The following KCNAB2 variants were observed in gnomAD, a reference collection of about 807,000 sequenced individuals.
KCNAB2 encodes voltage-gated potassium channel subunit beta-2.
Under a neutral mutation model 63.6 loss-of-function variants are expected in KCNAB2, and 29 were observed. The observed-to-expected ratio is 0.46, with a 90% CI of 0.34 to 0.62. The LOEUF is 0.62. KCNAB2 is among the 20% of genes least tolerant of loss of function. The pLI is 0.01. For synonymous variants in KCNAB2, 222 were observed against 224.2 expected, an observed-to-expected ratio of 0.99 and a Z score of 0.09; for missense variants, 359 against 563.9, an observed-to-expected ratio of 0.64 and a Z score of 3.68.
At chr1:6,051,458 C>T (rs948593484) in intron 1 of KCNAB2, 53 bp from the exon 2 acceptor site, 2 of 1,426,776 alleles carry the variant, frequency 1.4e-6, no homozygotes, top group African/African-American at 2.9e-5. Flanking sequence ...AGCCATCCAG[C>T]CTGGGGCACG....
chr1:6,052,022 A>G (rs1661439808), intron 2 of KCNAB2, among the ~76,000 whole-genome samples: 1 of 152,126 alleles, frequency 6.6e-6, no homozygotes, highest in Admixed American at 6.5e-5. Flanking sequence ...GAATTGCTTG[A>G]ACTCAGGAGG....
chr1:6,017,788 CAA>C (rs768691235), intron 1 of KCNAB2, among the ~76,000 whole-genome samples: 10 of 116,550 alleles, frequency 8.6e-5, no homozygotes, highest in Non-Finnish European at 7.3e-5. Context: ...AAGACTGTCT[CAA>C]AAAAAAAAAA....
At chr1:6,094,534 C>T (rs1398957308) in intron 11 of KCNAB2, 49 bp downstream of exon 11, 1 of 1,487,364 alleles carries the variant, frequency 6.7e-7, no homozygotes, top group Non-Finnish European at 9.2e-7. Context: ...ACTCCCGGCA[C>T]CGGCTGCGTA....
At position 6,095,335 on chromosome 1, in the gene KCNAB2, G is replaced by A. The variant is rs773351593; in HGVS notation, c.745G>A (p.Val249Met). The A allele has an allele frequency of 2.5e-6, 4 of 1,612,654 alleles. No individual in the cohort carries two copies. Among genetic ancestry groups the A allele is most frequent in the Non-Finnish European group, 3.4e-6 (4 of 1,179,944 alleles). The change falls in exon 12 of 16, where the codon GTG becomes ATG. Residue 249 changes from valine (V) to methionine (M), a missense_variant. By Grantham distance (21) the Val-to-Met change is conservative (BLOSUM62 1). Around this residue, in one of 2 missense-constraint regions of KCNAB2, gnomAD observed 271 missense variants for 476.1 expected, o/e 0.57. Transcript: ENST00000378083. ...SSMEIMEAYS[V>M]ARQFNLTPPI... ...TCTGCCTTCACAGGAGGCCTACTCC[G>A]TGGCCCGGCAGTTCAACCTGACCCC...
chr1:6,094,457 C>T lies in KCNAB2; in HGVS notation c.704C>T (p.Thr235Met), dbSNP rs975979006. 1.9e-6 allele frequency: 3 copies of T among 1,611,736 alleles called. No homozygotes were observed. The highest frequency in any genetic ancestry group is 1.7e-5 in the Admixed American group (1 of 59,862). The change falls in exon 11 of 16, where the codon ACG (threonine) becomes ATG (methionine). Residue 235 changes from threonine (T) to methionine (M), a missense_variant. By Grantham distance (81) the Thr-to-Met change is moderately conservative. Transcript: ENST00000378083. ...CAGGGGATGGCCATGTACTGGGGCA[C>T]GTCACGCTGGAGCTCCATGGAGATC... ...INQGMAMYWG[T>M]SRWSSMEIME...
upstream of KCNAB2, among the ~76,000 whole-genome samples, chr1:6,031,461 G>A (rs1319665487): frequency 6.6e-6 from 1 of 152,194 alleles, no homozygotes; most frequent in Admixed American, 6.5e-5. This position sits in a 1 kb window ranked among gnomAD's most constrained non-coding sequence, Gnocchi z 4.1. Context: ...GAAAACTGAG[G>A]CTCCAAGAGA....
At position 6,073,995 on chromosome 1, in the gene KCNAB2, G is replaced by T; in HGVS notation, c.300+225G>T. 3 of 590,154 alleles carry T rather than the reference G, an allele frequency of 5.1e-6. No individual in the cohort carries two copies. The highest frequency in any genetic ancestry group is 4.0e-5 in the South Asian group (2 of 50,350). 36.6% of individuals were successfully genotyped at this position (590,154 alleles called of 1,614,324 possible). ...CCGAGTCTGGTGCCATCACCCAGCA[G>T]TGGATGCCTCGGGCCTCAGCATGTC... On this transcript the variant is annotated intron_variant, in intron 4 of 15. Transcript: ENST00000378083. This position sits in a 1 kb window ranked among gnomAD's most constrained non-coding sequence, Gnocchi z 5.7.
At chr1:6,027,266 GT>G (rs1659261441) in intron 1 of KCNAB2, 1 of 125,570 alleles carries the variant, frequency 8.0e-6, no homozygotes, top group Non-Finnish European at 1.7e-5. Flanking sequence ...GTGTGTGTGT[GT>G]GTGTGTGGAC....
At chr1:6,093,634 C>T (rs928200971) in intron 10 of KCNAB2, among the ~76,000 whole-genome samples, 45 of 152,226 alleles carry the variant, frequency 3.0e-4, no homozygotes, top group African/African-American at 1.1e-3. Context: ...TCAAAACTGT[C>T]CTACTCCAGG....
At chr1:6,030,448 C>CGTGTGT (rs139805306), upstream of KCNAB2, among the ~76,000 whole-genome samples, 113 of 150,262 alleles carry the variant, frequency 7.5e-4, no homozygotes, top group Admixed American at 1.3e-3. Flanking sequence ...ACCCCTCCAA[C>CGTGTGT]GTGTGTGTGT....
intron 1 of KCNAB2, among the ~76,000 whole-genome samples, chr1:6,050,674 T>G (rs897612653): frequency 6.6e-6 from 1 of 152,246 alleles, no homozygotes; most frequent in Non-Finnish European, 1.5e-5. Flanking sequence ...TCCCTACTGA[T>G]GGACATTTAC....
At position 6,005,416 on chromosome 1, in the gene KCNAB2, GTGGA is replaced by G. The variant is rs1474787900; in HGVS notation, c.-53+12629_-53+12632del. 1.2e-4 allele frequency among the ~76,000 whole-genome samples: 16 copies of G among 138,546 alleles called. 4 individuals carry two copies. The highest frequency in any genetic ancestry group is 4.3e-4 in the African/African-American group (15 of 35,056). The allele number at this position is 138,546 out of a possible 152,430, so 90.9% of individuals were successfully genotyped here. ...GTGGGAGCTGAGCTGAGGGGTGGGG[GTGGA>G]GTTGTGGGTTGTGTGAGCTGAGCTG... On this transcript the variant is annotated intron_variant, in intron 1 of 16. Coordinates refer to the KCNAB2 transcript ENST00000341524.
At chr1:6,097,451 G>A (rs908817365) in intron 15 of KCNAB2, 94 bp downstream of exon 15, 1 of 1,541,706 alleles carries the variant, frequency 6.5e-7, no homozygotes, top group African/African-American at 1.4e-5. Context: ...GCCAGGCTCT[G>A]TTCTAGGCAC....
At chr1:6,030,786 ATGTG>A (rs1201957131), upstream of KCNAB2, among the ~76,000 whole-genome samples, 1 of 108,374 alleles carries the variant, frequency 9.2e-6, no homozygotes, top group Non-Finnish European at 2.3e-5. Flanking sequence ...ATGTGTGTGT[ATGTG>A]TGTAGGTGTG....
rs1007651364 is a variant in KCNAB2, at chr1:6,073,574, G to A, written c.263-159G>A. ...CAGGAGAGCAGGACTTTCTCTGAAG[G>A]CCAGCTGTCCACACACACTAAGGAC... On this transcript the variant is annotated intron_variant, in intron 3 of 15. Transcript: ENST00000378083. This position sits in a 1 kb window ranked among gnomAD's most constrained non-coding sequence, Gnocchi z 5.7. 2.0e-5 allele frequency among the ~76,000 whole-genome samples: 3 copies of A among 152,168 alleles called. No individual in the cohort carries two copies. The highest frequency in any genetic ancestry group is 7.2e-5 in the African/African-American group (3 of 41,426).
intron 2 of KCNAB2, among the ~76,000 whole-genome samples, chr1:6,063,145 G>A (rs766156095): frequency 1.3e-5 from 2 of 150,868 alleles, no homozygotes; most frequent in East Asian, 2.0e-4. Flanking sequence ...TCAGCCTCCC[G>A]AGTAGCTGGG....
chr1:6,035,139 G>A lies in KCNAB2; in HGVS notation c.-53+345G>A, dbSNP rs1295094. ...ACCACGGTGGTCAGAAGTTGAATTCGGGCCGGAGGAGGAGGAGTGCATGAA... is the reference window on the plus strand; with the variant it reads ...ACCACGGTGGTCAGAAGTTGAATTCAGGCCGGAGGAGGAGGAGTGCATGAA... On this transcript the variant is annotated intron_variant, in intron 1 of 15. Coordinates refer to the KCNAB2 transcript ENST00000164247. The surrounding 1 kb of genome is among the most constrained non-coding windows in gnomAD (Gnocchi z 5.0). Among the ~76,000 whole-genome samples the A allele has an allele frequency of 0.22, 33,070 of 151,888 alleles. 4,019 individuals are homozygous for A. Among genetic ancestry groups the A allele is most frequent in the East Asian group, 0.32 (1,659 of 5,136 alleles).
chr1:6,070,391 T>A (rs1663095528), intron 2 of KCNAB2, among the ~76,000 whole-genome samples: 2 of 152,162 alleles, frequency 1.3e-5, no homozygotes, highest in African/African-American at 4.8e-5. Context: ...TTACCTAAAC[T>A]TCTAAACTGA....
In KCNAB2 at chr1:6,099,909, G is replaced by A. The variant is rs770879058; in HGVS notation, c.*1335G>A. On this transcript the variant is annotated 3_prime_UTR_variant, in exon 16 of 16. Coordinates refer to ENST00000378083, the MANE Select transcript of KCNAB2 (RefSeq NM_001199862.2). ...GCAAGGGATGCCAGTAAGTCTGCAGGTGCGGGGTGCCACCTACAGGCCCAG... is the reference window on the plus strand; with the variant it reads ...GCAAGGGATGCCAGTAAGTCTGCAGATGCGGGGTGCCACCTACAGGCCCAG... 15 of 1,550,298 alleles carry A rather than the reference G, an allele frequency of 9.7e-6. No homozygotes were observed. Among genetic ancestry groups the A allele is most frequent in the Non-Finnish European group, 1.1e-5 (13 of 1,146,932 alleles).
Sources: allele counts gnomAD v4.1 joint callset (sites outside exome capture counted in the v4.1 genomes callset), GRCh38; gene constraint gnomAD v4.1.1; regional missense constraint gnomAD v4.1.1; non-coding constraint Gnocchi (gnomAD v3.1); transcripts MANE v1.5; gene names NCBI Gene and HGNC (gene_info 2026-07-23, HGNC 2026-07-21).